The following CNTNAP3 variants were observed in gnomAD, a reference collection of about 807,000 sequenced individuals.
CNTNAP3 encodes contactin-associated protein-like 3.
CNTNAP3 carries 36 observed loss-of-function variants against 92.1 expected under a neutral mutation model. The observed-to-expected ratio is 0.39, with a 90% confidence interval of 0.30 to 0.52. The LOEUF (loss-of-function observed/expected upper bound fraction) is 0.52, where lower values mean the gene tolerates loss of function less well. Among genes scored for constraint, CNTNAP3 ranks in the 20% least tolerant of loss-of-function variants. The pLI, the probability that CNTNAP3 is intolerant of heterozygous loss-of-function variation, is 0.76. For synonymous variants in CNTNAP3, 232 were observed against 422.3 expected (o/e 0.55, Z 5.53); for missense variants, 534 against 1,069.6 (o/e 0.50, Z 6.98).
intron 15 of CNTNAP3, among the ~76,000 whole-genome samples, chr9:39,104,587 C>T (rs1057390217): frequency 2.0e-5 from 3 of 151,812 alleles, no homozygotes; most frequent in Non-Finnish European, 4.4e-5. Flanking sequence ...TCCCTTCTGT[C>T]CAAAACCCAT....
chr9:39,108,227 C>CA (rs928510940), intron 15 of CNTNAP3, among the ~76,000 whole-genome samples: 1 of 119,030 alleles, frequency 8.4e-6, no homozygotes, highest in Non-Finnish European at 1.8e-5. Flanking sequence ...GAGGAGCCCC[C>CA]AGACAAGGGT....
At position 39,140,591 on chromosome 9, in the gene CNTNAP3, A is replaced by C; in HGVS notation, c.1804T>G (p.Ser602Ala). 1 of 1,613,622 alleles carries C rather than the reference A, an allele frequency of 6.2e-7. No homozygotes were observed. Among genetic ancestry groups the C allele is most frequent in the East Asian group, 2.2e-5 (1 of 44,850 alleles). The change falls in exon 12 of 24, where the codon TCT becomes GCT. Residue 602 changes from serine (S) to alanine (A), a missense_variant. By Grantham distance (99) the Ser-to-Ala change is moderately conservative. Transcript: ENST00000297668. ...TCTGCATCAATATAGTAAAGCCCAG[A>C]CGGGTTCCCTCGGTGCTTGTGGGCT... Reference protein sequence around the residue: ...CEAHKHRGNPSGLYYIDADGS... With the variant: ...CEAHKHRGNPAGLYYIDADGS...
At chr9:39,117,222 C>T (rs554517965) in intron 14 of CNTNAP3, among the ~76,000 whole-genome samples, 212 of 152,106 alleles carry the variant, frequency 1.4e-3, no homozygotes, top group African/African-American at 4.0e-3. Flanking sequence ...AACCTTCTGA[C>T]CTCAGGTGAT....
intron 13 of CNTNAP3, among the ~76,000 whole-genome samples, chr9:39,132,274 G>C (rs994074623): frequency 2.0e-5 from 3 of 152,136 alleles, no homozygotes; most frequent in Non-Finnish European, 4.4e-5. Flanking sequence ...GGGACTTGTG[G>C]GGATTCCGGA....
intron 18 of CNTNAP3, among the ~76,000 whole-genome samples, chr9:39,090,849 T>C (rs1206645751): frequency 6.6e-6 from 1 of 152,304 alleles, no homozygotes; most frequent in African/African-American, 2.4e-5. Flanking sequence ...TCCATTTATT[T>C]ACCTTTAATT....
At chr9:39,111,775 T>A (rs1826753383) in intron 14 of CNTNAP3, among the ~76,000 whole-genome samples, 1 of 152,146 alleles carries the variant, frequency 6.6e-6, no homozygotes, top group African/African-American at 2.4e-5. Context: ...TTTTCAATAC[T>A]GACTGTGCAA....
intron 15 of CNTNAP3, among the ~76,000 whole-genome samples, chr9:39,108,436 T>C (rs1382324712): frequency 3.3e-5 from 5 of 152,178 alleles, no homozygotes; most frequent in Non-Finnish European, 5.9e-5. Context: ...AGGCTCAGGC[T>C]CCTTGGTGAA....
intron 14 of CNTNAP3, among the ~76,000 whole-genome samples, chr9:39,110,749 G>A (rs1826726126): frequency 6.6e-6 from 1 of 151,890 alleles, no homozygotes; most frequent in Non-Finnish European, 1.5e-5. Flanking sequence ...TAAATATTTG[G>A]CCAATAATAA....
At chr9:39,114,019 T>C (rs1301671309) in intron 14 of CNTNAP3, among the ~76,000 whole-genome samples, 1 of 146,500 alleles carries the variant, frequency 6.8e-6, no homozygotes. Flanking sequence ...TACACACATA[T>C]ATATACACAC....
At position 39,104,471 on chromosome 9, in the gene CNTNAP3, T is replaced by TACACATACAC. The variant is rs1554715569; in HGVS notation, c.2366-567_2366-558dup. On this transcript the variant is annotated intron_variant, in intron 15 of 23. Coordinates refer to ENST00000297668, the MANE Select transcript of CNTNAP3 (RefSeq NM_033655.5). Reference sequence around the variant, plus strand: ...AGACTCTTGCTTTCCTTCCTGCACATACACATACACACACACACACACACA... The same window carrying TACACATACAC: ...AGACTCTTGCTTTCCTTCCTGCACATACACATACACACACATACACACACACACACACACA... Among the ~76,000 whole-genome samples, 10 of 71,844 alleles carry TACACATACAC rather than the reference T, an allele frequency of 1.4e-4. No homozygotes were observed. In the Admixed American group the frequency reaches 1.5e-3, roughly 11 times the overall value. 47.1% of individuals were successfully genotyped at this position (71,844 alleles called of 152,430 possible). A position where few individuals can be genotyped will look rare whatever the true frequency, so the allele number is the denominator to read the frequency against.
chr9:39,083,608 G>A (rs1278680533), intron 21 of CNTNAP3, among the ~76,000 whole-genome samples: 5 of 145,918 alleles, frequency 3.4e-5, no homozygotes, highest in Admixed American at 2.7e-4. Context: ...GCAGTGAGCC[G>A]AGATTGCGCC....
Position 39,066,857 on chromosome 9 carries a change from TG to T in CNTNAP3, c.*7032del, listed in dbSNP as rs1334934314. On this transcript the variant is annotated 3_prime_UTR_variant, in exon 24 of 24. Coordinates refer to ENST00000297668, the MANE Select transcript of CNTNAP3 (RefSeq NM_033655.5). The stretch of plus-strand genomic sequence containing the variant: ...TGGTTTTCTTAATAGCACCCCTACT[TG>T]GGGATGTTGAGCTGGGTCTGTGGGT... 6.6e-6 allele frequency among the ~76,000 whole-genome samples: 1 copy of T among 152,260 alleles called. No homozygotes were observed. Among genetic ancestry groups the T allele is most frequent in the Non-Finnish European group, 1.5e-5 (1 of 68,046 alleles).
chr9:39,087,029 G>A (rs1826076507), intron 19 of CNTNAP3, among the ~76,000 whole-genome samples, 180 bp from the exon 20 acceptor site: 1 of 151,878 alleles, frequency 6.6e-6, no homozygotes, highest in African/African-American at 2.4e-5. Context: ...TGCTATTCCT[G>A]TGCCAGACTC....
intron 18 of CNTNAP3, among the ~76,000 whole-genome samples, chr9:39,091,168 C>CTTTTTTTTTTTTTTTTTTT (rs1319060417): frequency 8.5e-6 from 1 of 117,976 alleles, no homozygotes; most frequent in South Asian, 2.7e-4. Context: ...TGTTTTTCTT[C>CTTTTTTTTTTTTTTTTTTT]TTCTTTTTTT....
In CNTNAP3 at chr9:39,132,032, G is replaced by GT. The variant is rs559367423; in HGVS notation, c.2080+899dup. Among the ~76,000 whole-genome samples the GT allele has an allele frequency of 1.6e-4, 24 of 152,074 alleles. No individual in the cohort carries two copies. In the South Asian group the frequency reaches 4.8e-3, roughly 30 times the overall value. ...TATGCTACCGACATATACTGTTTTT[G>GT]TTTTTTTAAGACAAGGTGTTGCTCT... is the stretch of plus-strand genomic sequence containing the variant. On this transcript the variant is annotated intron_variant, in intron 13 of 23. Transcript: ENST00000297668.
At chr9:39,074,989 C>T (rs1230489083) in intron 23 of CNTNAP3, among the ~76,000 whole-genome samples, 2 of 152,270 alleles carry the variant, frequency 1.3e-5, no homozygotes, top group Admixed American at 6.5e-5. Context: ...AGGATGGTCT[C>T]GATCTCCTGA....
intron 21 of CNTNAP3, among the ~76,000 whole-genome samples, chr9:39,082,109 C>A (rs1825958560): frequency 6.8e-6 from 1 of 147,340 alleles, no homozygotes; most frequent in South Asian, 2.2e-4. Context: ...CAAAGAAACT[C>A]AAATCAATTA....
intron 18 of CNTNAP3, among the ~76,000 whole-genome samples, chr9:39,089,810 T>C (rs1826149375): frequency 6.6e-6 from 1 of 152,198 alleles, no homozygotes; most frequent in East Asian, 1.9e-4. Flanking sequence ...CTGGCTAATG[T>C]TGCCAACTAT....
intron 21 of CNTNAP3, among the ~76,000 whole-genome samples, chr9:39,079,845 G>A (rs1287201855): frequency 5.1e-5 from 7 of 136,024 alleles, no homozygotes; most frequent in Non-Finnish European, 1.1e-4. Flanking sequence ...ATTCCCAACA[G>A]TGAGATGAGC....
Sources: gnomAD v4.1 joint callset for allele counts (sites outside exome capture counted in the v4.1 genomes callset) on GRCh38, gnomAD v4.1.1 for gene constraint, MANE v1.5 for transcripts, NCBI Gene and HGNC (gene_info 2026-07-23, HGNC 2026-07-21) for gene names.